TM2D1: variants seen among roughly 807,000 people sequenced by gnomAD.
The protein encoded by TM2D1 is TM2 domain-containing protein 1.
Under a neutral mutation model 28.4 loss-of-function variants are expected in TM2D1, and 15 were observed. The ratio of observed to expected loss-of-function variants is 0.53; its 90% confidence interval spans 0.35 to 0.81. The LOEUF (loss-of-function observed/expected upper bound fraction) is 0.81, where lower values mean the gene tolerates loss of function less well. Among genes scored for constraint, TM2D1 ranks in the 40% least tolerant of loss-of-function variants. The probability of loss-of-function intolerance (pLI) is 0.01; values close to 1 mark genes in which losing one functional copy is unlikely to be tolerated. For synonymous variants in TM2D1, 93 were observed against 96.2 expected, an observed-to-expected ratio of 0.97 and a Z score of 0.20; for missense variants, 236 against 254.9, an observed-to-expected ratio of 0.93 and a Z score of 0.50.
chr1:61,714,746 G>A (rs1424680018), intron 2 of TM2D1, among the ~76,000 whole-genome samples: 2 of 152,080 alleles, frequency 1.3e-5, no homozygotes, highest in African/African-American at 4.8e-5. Context: ...TGTAGAGACA[G>A]GTTTTCACCA....
intron 2 of TM2D1, among the ~76,000 whole-genome samples, chr1:61,721,212 C>G (rs1644561438): frequency 6.6e-6 from 1 of 151,712 alleles, no homozygotes; most frequent in Admixed American, 6.6e-5. Flanking sequence ...GCCTGGGTGA[C>G]AGAGTGAGAT....
chr1:61,683,541 A>C lies in TM2D1; in HGVS notation c.519T>G (p.Val173=). The C allele has an allele frequency of 6.9e-7, 1 of 1,459,724 alleles. No homozygotes were observed. Among genetic ancestry groups the C allele is most frequent in the Non-Finnish European group, 9.2e-7 (1 of 1,083,386 alleles). 90.4% of individuals were successfully genotyped at this position (1,459,724 alleles called of 1,614,324 possible). ...IDFILISMQI[V]GPSDGSSYII... Reference sequence around the variant, plus strand: ...TGTAACTACTTCCATCTGAAGGTCCAACAATCTAGAAGAGACAAAATTTCA... The same window carrying C: ...TGTAACTACTTCCATCTGAAGGTCCCACAATCTAGAAGAGACAAAATTTCA... Residue 173 remains valine (V), a synonymous_variant, in exon 6 of 7, where the codon GTT becomes GTG. Coordinates refer to ENST00000606498, the MANE Select transcript of TM2D1 (RefSeq NM_032027.3).
At chr1:61,713,811 C>T (rs1644496567) in intron 2 of TM2D1, among the ~76,000 whole-genome samples, 1 of 151,878 alleles carries the variant, frequency 6.6e-6, no homozygotes, top group Non-Finnish European at 1.5e-5. Context: ...TCCAATATAC[C>T]TTGCCTAACA....
intron 5 of TM2D1, among the ~76,000 whole-genome samples, chr1:61,688,223 T>C (rs1192303551): frequency 6.6e-6 from 1 of 152,216 alleles, no homozygotes; most frequent in Non-Finnish European, 1.5e-5. Context: ...AGATATTCTT[T>C]GTTTTGAAAA....
At chr1:61,716,235 C>T (rs1308701690) in intron 2 of TM2D1, among the ~76,000 whole-genome samples, 1 of 151,190 alleles carries the variant, frequency 6.6e-6, no homozygotes, top group Non-Finnish European at 1.5e-5. Flanking sequence ...AGGAAGATCT[C>T]TTGAGCCTAG....
At chr1:61,701,362 C>T (rs540360837) in intron 3 of TM2D1, among the ~76,000 whole-genome samples, 4 of 141,674 alleles carry the variant, frequency 2.8e-5, no homozygotes, top group Admixed American at 7.1e-5. Context: ...TGTAGAATGC[C>T]GGGAGCCATT....
intron 2 of TM2D1, among the ~76,000 whole-genome samples, chr1:61,717,794 A>G (rs1208111882): frequency 6.6e-6 from 1 of 152,150 alleles, no homozygotes; most frequent in Non-Finnish European, 1.5e-5. Context: ...GAAATAATGT[A>G]ATCAGACAAT....
chr1:61,723,899 T>TA, intron 1 of TM2D1, 113 bp from the exon 2 acceptor site: 1 of 497,408 alleles, frequency 2.0e-6, no homozygotes. Context: ...TAGAGGCTGC[T>TA]AGTTTGTCCA....
At chr1:61,697,995 C>T (rs779524374) in intron 4 of TM2D1, 6 of 152,142 alleles carry the variant, frequency 3.9e-5, no homozygotes, top group Non-Finnish European at 8.8e-5. Flanking sequence ...TCTAGATTTT[C>T]TTAAATTTAT....
chr1:61,719,423 G>A (rs1364630323), intron 2 of TM2D1, among the ~76,000 whole-genome samples: 3 of 152,036 alleles, frequency 2.0e-5, no homozygotes, highest in Non-Finnish European at 2.9e-5. Context: ...GAGAGAGAGA[G>A]AGAGAGAGAG....
At chr1:61,703,049 T>G (rs573595746) in intron 3 of TM2D1, among the ~76,000 whole-genome samples, 1 of 151,552 alleles carries the variant, frequency 6.6e-6, no homozygotes, top group East Asian at 2.0e-4. Context: ...GAGGTTGCAG[T>G]GAGCCAAGAT....
At chr1:61,691,702 G>C (rs1201948458) in intron 5 of TM2D1, among the ~76,000 whole-genome samples, 1 of 150,422 alleles carries the variant, frequency 6.6e-6, no homozygotes, top group Non-Finnish European at 1.5e-5. Context: ...GATCACCTGA[G>C]GTCAGGAGTT....
chr1:61,710,483 CACACACACATAT>C (rs201646775), intron 2 of TM2D1, among the ~76,000 whole-genome samples: 6,559 of 108,142 alleles, frequency 0.061, 305 homozygotes, highest in East Asian at 0.28. Context: ...TATACACACA[CACACACACATAT>C]ACACACATAC....
At position 61,700,998 on chromosome 1, in the gene TM2D1, G is replaced by C; in HGVS notation, c.375C>G (p.Val125=). The C allele has an allele frequency of 6.2e-7, 1 of 1,608,374 alleles. No homozygotes were observed. The part of the protein sequence containing the change: ...NVNGYSYKVA[V]ALSLFLGWLG... ...ACCATCCAAGAAAAAGAGACAATGC[G>C]ACTGCCACTTTGTAGGAATAGCCAT... The change falls in exon 4 of 7, where the codon GTC becomes GTG. Residue 125 remains valine (V), a synonymous_variant. Transcript: ENST00000606498.
intron 3 of TM2D1, among the ~76,000 whole-genome samples, chr1:61,701,795 T>G (rs1376670765): frequency 6.6e-6 from 1 of 151,960 alleles, no homozygotes; most frequent in South Asian, 2.1e-4. Context: ...TGAAATCTAA[T>G]GGGCAGTAAC....
intron 5 of TM2D1, among the ~76,000 whole-genome samples, chr1:61,686,051 G>A (rs898675255): frequency 1.3e-5 from 2 of 152,106 alleles, no homozygotes; most frequent in Non-Finnish European, 2.9e-5. Context: ...GCACTAAACT[G>A]AAAGGAAAAC....
intron 2 of TM2D1, among the ~76,000 whole-genome samples, chr1:61,718,537 G>T (rs1188569835): frequency 6.6e-6 from 1 of 152,136 alleles, no homozygotes; most frequent in Non-Finnish European, 1.5e-5. Context: ...GGTGGTAGGG[G>T]GATATCTGCA....
At chr1:61,712,451 C>T (rs1460370084) in intron 2 of TM2D1, among the ~76,000 whole-genome samples, 1 of 152,172 alleles carries the variant, frequency 6.6e-6, no homozygotes, top group Non-Finnish European at 1.5e-5. Context: ...CACTCTATTG[C>T]ACAGGCTGGA....
intron 2 of TM2D1, among the ~76,000 whole-genome samples, chr1:61,720,221 G>A (rs924126043): frequency 5.3e-5 from 8 of 151,922 alleles, no homozygotes; most frequent in African/African-American, 1.9e-4. Context: ...ATATGTGTAT[G>A]TAACCCAGAC....
Sources: allele counts gnomAD v4.1 joint callset (sites outside exome capture counted in the v4.1 genomes callset), GRCh38; gene constraint gnomAD v4.1.1; transcripts MANE v1.5; gene names NCBI Gene and HGNC (gene_info 2026-07-23, HGNC 2026-07-21).